The following ALDH9A1 variants were observed in gnomAD, a reference collection of about 807,000 sequenced individuals.
ALDH9A1 encodes aldehyde dehydrogenase 9 family member A1, also known as 4-trimethylaminobutyraldehyde dehydrogenase.
ALDH9A1 carries 42 observed loss-of-function variants against 56.6 expected under a neutral mutation model. The ratio of observed to expected loss-of-function variants is 0.74; its 90% CI spans 0.58 to 0.96. The LOEUF (loss-of-function observed/expected upper bound fraction) is 0.96. Ranked by LOEUF, ALDH9A1 falls within the 40% of genes least tolerant of loss-of-function variation. The probability of loss-of-function intolerance (pLI) is 0.00; values close to 1 mark genes in which losing one functional copy is unlikely to be tolerated. For synonymous variants in ALDH9A1, 242 were observed against 236.0 expected (o/e 1.03, Z -0.23); for missense variants, 661 against 651.5 (o/e 1.01, Z -0.16).
At chr1:165,677,561 T>A (rs1649402556) in intron 6 of ALDH9A1, among the ~76,000 whole-genome samples, 1 of 151,098 alleles carries the variant, frequency 6.6e-6, no homozygotes, top group African/African-American at 2.4e-5. Flanking sequence ...TATTTTAGCA[T>A]CAAAATAAAT....
intron 3 of ALDH9A1, 62 bp downstream of exon 3, chr1:165,682,919 C>T: frequency 1.3e-6 from 2 of 1,572,582 alleles, no homozygotes; most frequent in Non-Finnish European, 8.7e-7. Flanking sequence ...TTGCCCTTCA[C>T]CACTAGGCCC....
At chr1:165,677,300 A>G (rs1649394363) in intron 6 of ALDH9A1, among the ~76,000 whole-genome samples, 1 of 152,166 alleles carries the variant, frequency 6.6e-6, no homozygotes, top group Non-Finnish European at 1.5e-5. Context: ...CCGAGATTGC[A>G]GTGAGCCAAG....
rs369585680 is a variant in ALDH9A1, at chr1:165,663,143, T to C, written c.1464A>G (p.Gly488=). 3.0e-5 allele frequency: 48 copies of C among 1,613,626 alleles called. No homozygotes were observed. The highest frequency in any genetic ancestry group is 4.0e-5 in the Non-Finnish European group (47 of 1,179,738). The change falls in exon 11 of 11, where the codon GGA becomes GGG. Residue 488 remains glycine, a splice_region_variant and synonymous_variant. Transcript: ENST00000354775. Reference sequence around the variant, plus strand: ...TCACACGGCCGTTCTCTCTGCCAAATCCTGAAAGGAGGAGAAGGGGTCAGG... The same window carrying C: ...TCACACGGCCGTTCTCTCTGCCAAACCCTGAAAGGAGGAGAAGGGGTCAGG... ...ELPFGGYKKS[G]FGRENGRVTI...
chr1:165,665,186 A>T, intron 9 of ALDH9A1, 56 bp from the exon 10 acceptor site: 1 of 1,427,256 alleles, frequency 7.0e-7, no homozygotes, highest in South Asian at 1.2e-5. Context: ...CTACTACTTT[A>T]ACAGGAAAAG....
At chr1:165,682,387 T>C (rs1649579693) in intron 3 of ALDH9A1, 146 bp from the exon 4 acceptor site, 1 of 887,422 alleles carries the variant, frequency 1.1e-6, no homozygotes, top group African/African-American at 1.7e-5. Flanking sequence ...TCCATTCTTC[T>C]ATTTGTTCCA....
chr1:165,664,838 G>A (rs1229314821), intron 10 of ALDH9A1, among the ~76,000 whole-genome samples, 180 bp downstream of exon 10: 1 of 152,220 alleles, frequency 6.6e-6, no homozygotes, highest in African/African-American at 2.4e-5. Context: ...GTTGGGTAGG[G>A]GAAGATGCTT....
intron 10 of ALDH9A1, 73 bp from the exon 11 acceptor site, chr1:165,663,217 T>C: frequency 8.3e-7 from 1 of 1,206,952 alleles, no homozygotes. Context: ...TCTTCAAAGA[T>C]GAGCACTGCT....
At chr1:165,668,297 T>C (rs569798685) in intron 8 of ALDH9A1, among the ~76,000 whole-genome samples, 3 of 152,304 alleles carry the variant, frequency 2.0e-5, no homozygotes, top group African/African-American at 7.2e-5. Context: ...AAATCCCTCA[T>C]GAACGGTTTG....
intron 6 of ALDH9A1, 130 bp from the exon 7 acceptor site, chr1:165,669,580 T>C: frequency 1.2e-6 from 1 of 869,170 alleles, no homozygotes; most frequent in South Asian, 2.1e-5. Flanking sequence ...GATATTTCCA[T>C]TTCTAAAAAT....
At chr1:165,686,235 G>A (rs868077185) in intron 2 of ALDH9A1, among the ~76,000 whole-genome samples, 1 of 152,162 alleles carries the variant, frequency 6.6e-6, no homozygotes, top group Non-Finnish European at 1.5e-5. Context: ...CCAATGAGGT[G>A]AGCCCTACAA....
At position 165,663,067 on chromosome 1, in the gene ALDH9A1, C is replaced by T. The variant is rs758027559; in HGVS notation, c.1540G>A (p.Val514Met). 1.2e-6 allele frequency: 2 copies of T among 1,614,010 alleles called. No homozygotes were observed. The highest frequency in any genetic ancestry group is 1.1e-5 in the South Asian group (1 of 91,084). Reference protein sequence around the residue: ...LKTVCVEMGDVESAF With the variant: ...LKTVCVEMGDMESAF The stretch of plus-strand genomic sequence containing the variant: ...GCAGGTTTTCAAAAAGCAGATTCCA[C>T]ATCACCCATCTCCACACACACAGTC... The change falls in exon 11 of 11, where the codon GTG becomes ATG. Residue 514 changes from valine (V) to methionine (M), a missense_variant. Val to Met is a conservative substitution (Grantham distance 21). Transcript: ENST00000354775.
Position 165,665,263 on chromosome 1 carries a change from CT to C in ALDH9A1, c.1350-134del, listed in dbSNP as rs1234613413. On this transcript the variant is annotated intron_variant, in intron 9 of 10. Coordinates refer to ENST00000354775, the MANE Select transcript of ALDH9A1 (RefSeq NM_000696.4). ...TCATTTCTTCAAAATGTTTTAAAAT[CT>C]TTTATCATCCAGGCAAAACAGATAT... The C allele has an allele frequency of 4.2e-6, 3 of 722,256 alleles. No individual in the cohort carries two copies. In the East Asian group the frequency reaches 8.2e-5, roughly 20 times the overall value. The allele number at this position is 722,256 out of a possible 1,614,324, so 44.7% of individuals were successfully genotyped here.
At position 165,682,151 on chromosome 1, in the gene ALDH9A1, G is replaced by A. The variant is rs61757688; in HGVS notation, c.548C>T (p.Pro183Leu). The change falls in exon 4 of 11, where the codon CCC (proline) becomes CTC (leucine). Residue 183 changes from proline (P) to leucine (L), a missense_variant. Coordinates refer to ENST00000354775, the MANE Select transcript of ALDH9A1 (RefSeq NM_000696.4). Reference protein sequence around the residue: ...VCVGIGAWNYPFQIASWKSAP... With the variant: ...VCVGIGAWNYLFQIASWKSAP... The stretch of plus-strand genomic sequence containing the variant: ...CGACTTCCAAGAGGCAATCTGAAAG[G>A]GGTAGTTCCATGCTCCTATTCCCAC... 1.1e-5 allele frequency: 18 copies of A among 1,613,976 alleles called. No individual in the cohort carries two copies. Among genetic ancestry groups the A allele is most frequent in the Non-Finnish European group, 1.5e-5 (18 of 1,179,988 alleles).
intron 9 of ALDH9A1, 178 bp from the exon 10 acceptor site, chr1:165,665,308 C>T (rs981937503): frequency 1.4e-5 from 8 of 571,052 alleles, no homozygotes; most frequent in Non-Finnish European, 2.2e-5. Flanking sequence ...TTTTATAGTC[C>T]CATGCACATG....
At chr1:165,673,489 G>T (rs1022953017) in intron 6 of ALDH9A1, among the ~76,000 whole-genome samples, 1 of 152,008 alleles carries the variant, frequency 6.6e-6, no homozygotes, top group Non-Finnish European at 1.5e-5. Flanking sequence ...CCTCTCTTGG[G>T]GTCTGGATCA....
chr1:165,698,301 C>T, intron 1 of ALDH9A1, 77 bp downstream of exon 1: 1 of 1,523,486 alleles, frequency 6.6e-7, no homozygotes, highest in South Asian at 1.3e-5. Context: ...CTGCAGAACA[C>T]AGGAAACGGG....
intron 6 of ALDH9A1, chr1:165,676,839 A>G (rs191346539): frequency 1.5e-5 from 5 of 332,128 alleles, no homozygotes; most frequent in Non-Finnish European, 2.8e-5. Context: ...CTCTTTATTT[A>G]GTAGAGAAGT....
intron 6 of ALDH9A1, chr1:165,676,511 C>A: frequency 3.5e-6 from 1 of 288,122 alleles, no homozygotes; most frequent in Non-Finnish European, 6.5e-6. Flanking sequence ...ACAATGTTAC[C>A]CAGCATGTTG....
rs1648875519 is a variant in ALDH9A1, at chr1:165,662,567, G to GT, written c.*482dup. ...CTATAAAGGAACAAGGTTTTTTTTT[G>GT]TTTTTTGTTTTTTTTCTTCAAGACT... On this transcript the variant is annotated 3_prime_UTR_variant, in exon 11 of 11. Coordinates refer to ENST00000354775, the MANE Select transcript of ALDH9A1 (RefSeq NM_000696.4). 1.3e-5 allele frequency: 2 copies of GT among 153,002 alleles called. No homozygotes were observed. The highest frequency in any genetic ancestry group is 2.1e-4 in the South Asian group (1 of 4,868). The allele number at this position is 153,002 out of a possible 1,614,324, so 9.5% of individuals were successfully genotyped here. A position where few individuals can be genotyped will look rare whatever the true frequency, so the allele number is the denominator to read the frequency against.
Sources: gnomAD v4.1 joint callset for allele counts (sites outside exome capture counted in the v4.1 genomes callset) on GRCh38, gnomAD v4.1.1 for gene constraint, MANE v1.5 for transcripts, NCBI Gene and HGNC (gene_info 2026-07-23, HGNC 2026-07-21) for gene names.